Variants in EXTL3 observed in about 807,000 individuals in gnomAD.
EXTL3 encodes the protein exostosin like glycosyltransferase 3, also known as exostosin-like 3.
In EXTL3, 27 loss-of-function variants were observed where a neutral mutation model predicts 69.3. That is an observed-to-expected ratio of 0.39 (90% confidence interval 0.29 to 0.54). The LOEUF (loss-of-function observed/expected upper bound fraction) is 0.54. Among genes scored for constraint, EXTL3 ranks in the 20% least tolerant of loss-of-function variants. EXTL3 has a pLI of 0.69. For synonymous variants in EXTL3, 511 were observed against 499.4 expected (o/e 1.02, Z -0.31); for missense variants, 1,003 against 1,231.8 (o/e 0.81, Z 2.78).
intron 5 of EXTL3, 61 bp from the exon 6 acceptor site, chr8:28,743,025 C>G: frequency 6.2e-7 from 1 of 1,607,096 alleles, no homozygotes; most frequent in Non-Finnish European, 8.5e-7. Context: ...CATATTTTGG[C>G]TGAAAGCCAA....
chr8:28,673,018 G>A (rs142144742), intron 1 of EXTL3, among the ~76,000 whole-genome samples: 48 of 152,282 alleles, frequency 3.2e-4, no homozygotes, highest in African/African-American at 9.4e-4. Flanking sequence ...TGTGCCTTTA[G>A]CCTTCCACCA....
intron 1 of EXTL3, among the ~76,000 whole-genome samples, chr8:28,662,291 A>T (rs1807129191): frequency 6.6e-6 from 1 of 152,132 alleles, no homozygotes. Flanking sequence ...TTTATCCTTG[A>T]AAGTCTTTTG....
chr8:28,643,505 C>T (rs1229504376), intron 1 of EXTL3, among the ~76,000 whole-genome samples: 1 of 150,178 alleles, frequency 6.7e-6, no homozygotes, highest in East Asian at 2.0e-4. Flanking sequence ...AGCTCTGCCT[C>T]CCGGGTTTAC....
At chr8:28,643,604 G>C (rs1464244079) in intron 1 of EXTL3, among the ~76,000 whole-genome samples, 3 of 151,378 alleles carry the variant, frequency 2.0e-5, no homozygotes, top group African/African-American at 7.3e-5. Context: ...ATTTTTAGTA[G>C]AGATGGGGTT....
intron 1 of EXTL3, among the ~76,000 whole-genome samples, chr8:28,679,907 T>C (rs1344461961): frequency 6.6e-6 from 1 of 152,200 alleles, no homozygotes; most frequent in African/African-American, 2.4e-5. Flanking sequence ...GTCAGTCTAA[T>C]AGAATAAGAC....
At chr8:28,718,597 C>T (rs1801220446) in intron 3 of EXTL3, among the ~76,000 whole-genome samples, 1 of 152,214 alleles carries the variant, frequency 6.6e-6, no homozygotes, top group African/African-American at 2.4e-5. Context: ...ATCGCTGTTT[C>T]TTCAGCTTAT....
At chr8:28,652,987 A>G (rs1231084894) in intron 1 of EXTL3, among the ~76,000 whole-genome samples, 1 of 152,184 alleles carries the variant, frequency 6.6e-6, no homozygotes, top group African/African-American at 2.4e-5. Context: ...TCAGAGTGGT[A>G]CATCTAATAC....
chr8:28,625,419 C>A (rs1245853967), intron 1 of EXTL3, among the ~76,000 whole-genome samples: 3 of 152,202 alleles, frequency 2.0e-5, no homozygotes, highest in Admixed American at 6.5e-5. Flanking sequence ...CAGAGCATTT[C>A]CTCTGTGGCT....
intron 2 of EXTL3, among the ~76,000 whole-genome samples, chr8:28,614,942 C>T (rs1806313265): frequency 6.6e-6 from 1 of 152,088 alleles, no homozygotes; most frequent in Non-Finnish European, 1.5e-5. Flanking sequence ...GATCCTCTCC[C>T]TCCTCCCACC....
Position 28,717,907 on chromosome 8 carries a change from C to T in EXTL3, c.1848C>T (p.His616=). ...CAPGPFHLFP[H]TPFDPVLPSE... is the part of the protein sequence containing the mutation. Reference sequence around the variant, plus strand: ...CAGGGCCTTTCCATCTTTTCCCCCACACTCCCTTTGACCCTGTGTTGCCCT... The same window carrying T: ...CAGGGCCTTTCCATCTTTTCCCCCATACTCCCTTTGACCCTGTGTTGCCCT... Residue 616 remains histidine (H), a synonymous_variant, in exon 3 of 7, where the codon CAC becomes CAT. Transcript: ENST00000220562. This position sits in a 1 kb window ranked among gnomAD's most constrained non-coding sequence, Gnocchi z 8.3. 6.2e-7 allele frequency: 1 copy of T among 1,614,244 alleles called. No individual in the cohort carries two copies. Among genetic ancestry groups the T allele is most frequent in the Non-Finnish European group, 8.5e-7 (1 of 1,180,044 alleles).
At position 28,644,756 on chromosome 8, in the gene EXTL3, T is replaced by C. The variant is rs149511314; in HGVS notation, c.-53+21946T>C. On this transcript the variant is annotated intron_variant, in intron 1 of 6. Coordinates refer to the EXTL3 transcript ENST00000523149. ...TCCTTGCTTCAACTGATTATTTCAG[T>C]TAATAGAACTACCTACTCTCCTACT... Among the ~76,000 whole-genome samples, 645 of 152,342 alleles carry C rather than the reference T, an allele frequency of 4.2e-3. 4 individuals carry two copies. Among genetic ancestry groups the C allele is most frequent in the African/African-American group, 0.014 (585 of 41,586 alleles).
At position 28,737,542 on chromosome 8, in the gene EXTL3, G is replaced by A. The variant is rs781131046; in HGVS notation, c.2300G>A (p.Arg767His). The change falls in exon 5 of 7, where the codon CGC becomes CAC. Residue 767 changes from arginine to histidine, a missense_variant. Physicochemically the swap from Arg to His is conservative, Grantham distance 29 (BLOSUM62 0). Around this residue, in one of 2 missense-constraint regions of EXTL3, gnomAD observed 261 missense variants for 416.4 expected, o/e 0.63. Transcript: ENST00000220562. ...GFRVWREARDRIVGFPGRYHA... is the reference protein window; with the variant it reads ...GFRVWREARDHIVGFPGRYHA... ...AGGGTGTGGAGAGAAGCTCGGGACC[G>A]CATCGTGGGCTTCCCTGGCCGTTAC... 10 of 1,613,896 alleles carry A rather than the reference G, an allele frequency of 6.2e-6. No individual in the cohort carries two copies. The highest frequency in any genetic ancestry group is 1.3e-5 in the African/African-American group (1 of 74,920).
intron 6 of EXTL3, chr8:28,744,203 C>G (rs147671640): frequency 6.6e-6 from 1 of 152,304 alleles, no homozygotes; most frequent in East Asian, 1.9e-4. Context: ...TTGTCTGTTT[C>G]ATAATTGAAG....
At chr8:28,688,846 C>G (rs2130673446) in intron 1 of EXTL3, among the ~76,000 whole-genome samples, 1 of 152,284 alleles carries the variant, frequency 6.6e-6, no homozygotes, top group South Asian at 2.1e-4. Flanking sequence ...CACCTAGTTT[C>G]AGAAAGGAGT....
At position 28,711,343 on chromosome 8, in the gene EXTL3, TG is replaced by T. The variant is rs540077930; in HGVS notation, c.-569-2113del. 2.9e-3 allele frequency among the ~76,000 whole-genome samples: 438 copies of T among 152,326 alleles called. 1 individual carries two copies. The highest frequency in any genetic ancestry group is 1.0e-2 in the African/African-American group (414 of 41,560). ...TGATTTCTGCTCTTTAGGTTTGTTT[TG>T]TTTTTTTTCTGGGTTCTTGAAGGAG... On this transcript the variant is annotated intron_variant, in intron 1 of 6. Transcript: ENST00000220562.
intron 1 of EXTL3, among the ~76,000 whole-genome samples, chr8:28,641,618 A>G (rs1806743721): frequency 6.6e-6 from 1 of 152,066 alleles, no homozygotes; most frequent in African/African-American, 2.4e-5. Flanking sequence ...CTGGGATTAC[A>G]GGCGTGTGCC....
chr8:28,653,428 T>A (rs1806958548), intron 1 of EXTL3, among the ~76,000 whole-genome samples: 1 of 152,226 alleles, frequency 6.6e-6, no homozygotes, highest in South Asian at 2.1e-4. Flanking sequence ...TTAAGTGTCA[T>A]ACTTAAGAAA....
chr8:28,658,051 A>C (rs1036813711), intron 1 of EXTL3, among the ~76,000 whole-genome samples: 4 of 152,178 alleles, frequency 2.6e-5, no homozygotes, highest in Non-Finnish European at 5.9e-5. Flanking sequence ...ACTCTGGCTG[A>C]TGCAGGGGCA....
intron 4 of EXTL3, 88 bp from the exon 5 acceptor site, chr8:28,737,431 C>T (rs1222437009): frequency 7.0e-7 from 1 of 1,423,156 alleles, no homozygotes; most frequent in Non-Finnish European, 9.9e-7. Flanking sequence ...AGGGCCAGAG[C>T]TTGTAAGGTG....
Sources: allele counts gnomAD v4.1 joint callset (sites outside exome capture counted in the v4.1 genomes callset), GRCh38; gene constraint gnomAD v4.1.1; regional missense constraint gnomAD v4.1.1; non-coding constraint Gnocchi (gnomAD v3.1); transcripts MANE v1.5; gene names NCBI Gene and HGNC (gene_info 2026-07-23, HGNC 2026-07-21).